ZXDA: variants seen among roughly 807,000 people sequenced by gnomAD.
ZXDA encodes the protein zinc finger X-linked protein ZXDA.
ZXDA carries 5 observed loss-of-function variants against 10.1 expected under a neutral mutation model. The observed-to-expected ratio is 0.50, with a 90% CI of 0.26 to 1.04. The LOEUF (loss-of-function observed/expected upper bound fraction) is 1.04. Among genes scored for constraint, ZXDA ranks in the 50% least tolerant of loss-of-function variants. ZXDA has a pLI of 0.14. For synonymous variants in ZXDA, 266 were observed against 313.1 expected, an observed-to-expected ratio of 0.85 and a Z score of 1.59; for missense variants, 501 against 672.4, an observed-to-expected ratio of 0.75 and a Z score of 2.82.
At position 57,905,727 on chromosome X, in the gene ZXDA, TAA is replaced by T. The variant is rs199637862; in HGVS notation, c.*2292_*2293del. 1.9e-5 allele frequency among the ~76,000 whole-genome samples: 2 copies of T among 104,672 alleles called. No individual in the cohort carries two copies. Among genetic ancestry groups the T allele is most frequent in the Middle Eastern group, 4.9e-3 (1 of 205 alleles). 90.9% of individuals were successfully genotyped at this position (104,672 alleles called of 115,157 possible). ...ACGGACAATCACAAGATCTTTATCC[TAA>T]AAAAAAAAAATTTGTCCTTTGAAAA... On this transcript the variant is annotated 3_prime_UTR_variant, in exon 1 of 1. Transcript: ENST00000358697.
At position 57,909,361 on chromosome X, in the gene ZXDA, G is replaced by A. The variant is rs1235013077; in HGVS notation, c.1060C>T (p.His354Tyr). The A allele has an allele frequency of 8.3e-7, 1 of 1,210,272 alleles. No individual in the cohort carries two copies. Among genetic ancestry groups the A allele is most frequent in the Non-Finnish European group, 1.1e-6 (1 of 895,305 alleles). Residue 354 changes from histidine to tyrosine, a missense_variant, in exon 1 of 1, where the codon CAT becomes TAT. By Grantham distance (83) the His-to-Tyr change is moderately conservative. Transcript: ENST00000358697. Reference sequence around the variant, plus strand: ...CATTTGAACGAGTTCTCCTGCTCATGGCCCTTCATGTGCGCCTTGAGGTTG... The same window carrying A: ...CATTTGAACGAGTTCTCCTGCTCATAGCCCTTCATGTGCGCCTTGAGGTTG... ...VYNLKAHMKG[H>Y]EQENSFKCEV...
Position 57,909,631 on chromosome X carries a change from C to A in ZXDA, c.790G>T (p.Val264Leu), listed in dbSNP as rs201132004. ...GCCTCGGGGCACAGGTACAGCACCA[C>A]GCCTGGACCAGAGCCCAGCAGTCCG... is the stretch of plus-strand genomic sequence containing the variant. ...PRGLLGSGPG[V>L]VLYLCPEALC... Residue 264 changes from valine (V) to leucine (L), a missense_variant, in exon 1 of 1, where the codon GTG becomes TTG. This residue lies in a region of ZXDA where 251 missense variants were observed against 221.6 expected (regional missense o/e 1.13). Coordinates refer to ENST00000358697, the MANE Select transcript of ZXDA (RefSeq NM_007156.5). The A allele has an allele frequency of 9.5e-4, 1,132 of 1,197,871 alleles. 2 individuals are homozygous for A. The highest frequency in any genetic ancestry group is 1.2e-3 in the Non-Finnish European group (1,097 of 889,365).
rs1259766547 is a variant in ZXDA at position 57,907,359 on chromosome X, TAAGA to T, written c.*658_*661del. The stretch of plus-strand genomic sequence containing the variant: ...CATTTTACAGATAGAAAACTGAGGC[TAAGA>T]GAGACTAAATAACTTATTAAAGGCC... On this transcript the variant is annotated 3_prime_UTR_variant, in exon 1 of 1. Coordinates refer to ENST00000358697, the MANE Select transcript of ZXDA (RefSeq NM_007156.5). 3 of 112,226 alleles carry T rather than the reference TAAGA, an allele frequency of 2.7e-5. No individual in the cohort carries two copies. The highest frequency in any genetic ancestry group is 9.7e-5 in the African/African-American group (3 of 30,819). 9.2% of individuals were successfully genotyped at this position (112,226 alleles called of 1,213,427 possible).
rs1236981734 is a variant in ZXDA at position 57,908,250 on chromosome X, C to T, written c.2171G>A (p.Ser724Asn). ...SPEPQALTPS[S>N]KLTVDTDTLT... ...AGTATCTGTGTCCACTGTTAGCTTA[C>T]TGCTGGGTGTCAAAGCCTGAGGCTC... The change falls in exon 1 of 1, where the codon AGT becomes AAT. Residue 724 changes from serine to asparagine, a missense_variant. Coordinates refer to ENST00000358697, the MANE Select transcript of ZXDA (RefSeq NM_007156.5). 8.3e-7 allele frequency: 1 copy of T among 1,211,070 alleles called. No homozygotes were observed. The highest frequency in any genetic ancestry group is 1.8e-5 in the South Asian group (1 of 56,859).
Position 57,906,316 on chromosome X carries a change from C to T in ZXDA, c.*1705G>A, listed in dbSNP as rs182330344. 1.8e-5 allele frequency among the ~76,000 whole-genome samples: 2 copies of T among 112,241 alleles called. No homozygotes were observed. The highest frequency in any genetic ancestry group is 1.9e-4 in the Admixed American group (2 of 10,610). On this transcript the variant is annotated 3_prime_UTR_variant, in exon 1 of 1. Transcript: ENST00000358697. ...CTCACTAACACCTTATATAAAATGT[C>T]TCCATTATTATCTGATTCATGTATA...
At position 57,909,349 on chromosome X, in the gene ZXDA, TCTC is replaced by T. The variant is rs1409767359; in HGVS notation, c.1069_1071del (p.Glu357del). On this transcript the variant is annotated inframe_deletion, in exon 1 of 1. Coordinates refer to ENST00000358697, the MANE Select transcript of ZXDA (RefSeq NM_007156.5). The stretch of plus-strand genomic sequence containing the variant: ...TCGCACACCTCACATTTGAACGAGT[TCTC>T]CTGCTCATGGCCCTTCATGTGCGCC... 8.3e-7 allele frequency: 1 copy of T among 1,210,234 alleles called. No individual in the cohort carries two copies. Among genetic ancestry groups the T allele is most frequent in the Non-Finnish European group, 1.1e-6 (1 of 895,276 alleles).
chrX:57,907,286 T>C lies in ZXDA; in HGVS notation c.*735A>G, dbSNP rs1364574233. 1 of 112,092 alleles carries C rather than the reference T, an allele frequency of 8.9e-6. No individual in the cohort carries two copies. The highest frequency in any genetic ancestry group is 1.9e-5 in the Non-Finnish European group (1 of 53,142). The allele number at this position is 112,092 out of a possible 1,213,427, so 9.2% of individuals were successfully genotyped here. A position where few individuals can be genotyped will look rare whatever the true frequency, so the allele number is the denominator to read the frequency against. On this transcript the variant is annotated 3_prime_UTR_variant, in exon 1 of 1. Coordinates refer to ENST00000358697, the MANE Select transcript of ZXDA (RefSeq NM_007156.5). ...TTCCTTTCAATACAACCTACTGGGG[T>C]AGAAAAATAAGTCTAGGATGTAACA...
rs1346465214 is a variant in ZXDA, at chrX:57,908,100, A to C, written c.2321T>G (p.Phe774Cys). 8.2e-7 allele frequency: 1 copy of C among 1,212,131 alleles called. No homozygotes were observed. The highest frequency in any genetic ancestry group is 1.7e-5 in the African/African-American group (1 of 57,873). Residue 774 changes from phenylalanine to cysteine, a missense_variant, in exon 1 of 1, where the codon TTC becomes TGC. Physicochemically the swap from Phe to Cys is radical, Grantham distance 205. Around this residue, in one of 5 missense-constraint regions of ZXDA, gnomAD observed 46 missense variants for 54.1 expected, o/e 0.85. Transcript: ENST00000358697. ...ACCATGGTTTCCTGCTGCATTGGGGAATCCAAACTGGGTTTCTCCCTCCTG... is the reference window on the plus strand; with the variant it reads ...ACCATGGTTTCCTGCTGCATTGGGGCATCCAAACTGGGTTTCTCCCTCCTG... ...FGQEGETQFGFPNAAGNHGSQ... is the reference protein window; with the variant it reads ...FGQEGETQFGCPNAAGNHGSQ...
In ZXDA at chrX:57,909,560, G is replaced by A. The variant is rs1388955858; in HGVS notation, c.861C>T (p.His287=). ...TFAKKHQLKM[H]LLTHSSSQGQ... is the part of the protein sequence containing the mutation. ...CCTGGCTGCTGCTGTGCGTCAGCAGGTGCATCTTCAGCTGGTGCTTCTTGG... is the reference window on the plus strand; with the variant it reads ...CCTGGCTGCTGCTGTGCGTCAGCAGATGCATCTTCAGCTGGTGCTTCTTGG... Residue 287 remains histidine, a synonymous_variant, in exon 1 of 1, where the codon CAC becomes CAT. Transcript: ENST00000358697. 2.6e-5 allele frequency: 31 copies of A among 1,206,311 alleles called. No individual in the cohort carries two copies. Among genetic ancestry groups the A allele is most frequent in the Non-Finnish European group, 3.5e-5 (31 of 893,288 alleles).
At position 57,909,649 on chromosome X, in the gene ZXDA, G is replaced by C. The variant is rs1569185680; in HGVS notation, c.772C>G (p.Leu258Val). The part of the protein sequence containing the change: ...LAAALGPRGL[L>V]GSGPGVVLYL... The stretch of plus-strand genomic sequence containing the variant: ...AGCACCACGCCTGGACCAGAGCCCA[G>C]CAGTCCGCGGGGGCCCAGGGCGGCG... The change falls in exon 1 of 1, where the codon CTG (leucine) becomes GTG (valine). Residue 258 changes from leucine to valine, a missense_variant. Leu to Val is a conservative substitution (Grantham distance 32). Around this residue, in one of 5 missense-constraint regions of ZXDA, gnomAD observed 251 missense variants for 221.6 expected, o/e 1.13. Coordinates refer to ENST00000358697, the MANE Select transcript of ZXDA (RefSeq NM_007156.5). 2.5e-6 allele frequency: 3 copies of C among 1,190,827 alleles called. No homozygotes were observed. The highest frequency in any genetic ancestry group is 2.3e-5 in the Admixed American group (1 of 43,229).
At position 57,910,303 on chromosome X, in the gene ZXDA, G is replaced by T; in HGVS notation, c.118C>A (p.Pro40Thr). Residue 40 changes from proline to threonine, a missense_variant, in exon 1 of 1, where the codon CCC becomes ACC. Coordinates refer to ENST00000358697, the MANE Select transcript of ZXDA (RefSeq NM_007156.5). The stretch of plus-strand genomic sequence containing the variant: ...CGGGGCAGCAGGAGGCGGCGCGTGG[G>T]GACCTGGCCAGCCGGCGAGTCAGGG... Reference protein sequence around the residue: ...RGPDSPAGQVPTRRLLLPRGP... With the variant: ...RGPDSPAGQVTTRRLLLPRGP... The T allele has an allele frequency of 1.9e-6, 2 of 1,047,682 alleles. No homozygotes were observed. The highest frequency in any genetic ancestry group is 2.4e-6 in the Non-Finnish European group (2 of 822,121). The allele number at this position is 1,047,682 out of a possible 1,213,427, so 86.3% of individuals were successfully genotyped here. A position where few individuals can be genotyped will look rare whatever the true frequency, so the allele number is the denominator to read the frequency against.
chrX:57,908,823 T>C lies in ZXDA; in HGVS notation c.1598A>G (p.Lys533Arg). 2.5e-6 allele frequency: 3 copies of C among 1,208,521 alleles called. No individual in the cohort carries two copies. The highest frequency in any genetic ancestry group is 3.4e-6 in the Non-Finnish European group (3 of 894,264). Residue 533 changes from lysine to arginine, a missense_variant, in exon 1 of 1, where the codon AAA becomes AGA. Transcript: ENST00000358697. ...ARSSLYIHSK[K>R]HLQDVDTWKS... ...CCAAGTGTCCACATCCTGCAGGTGT[T>C]TCTTGGAGTGAATGTAGAGGCTACT...
chrX:57,910,011 G>A lies in ZXDA; in HGVS notation c.410C>T (p.Ala137Val), dbSNP rs772958008. 6 of 1,064,653 alleles carry A rather than the reference G, an allele frequency of 5.6e-6. 1 individual carries two copies. Among genetic ancestry groups the A allele is most frequent in the Non-Finnish European group, 7.4e-6 (6 of 810,874 alleles). 87.7% of individuals were successfully genotyped at this position (1,064,653 alleles called of 1,213,427 possible). A position where few individuals can be genotyped will look rare whatever the true frequency, so the allele number is the denominator to read the frequency against. ...ESGANPAGCSAQGPHCLSAVP... is the reference protein window; with the variant it reads ...ESGANPAGCSVQGPHCLSAVP... ...CGCGGACAGGCAGTGGGGGCCCTGC[G>A]CAGAGCAGCCCGCGGGGTTCGCGCC... is the stretch of plus-strand genomic sequence containing the variant. The change falls in exon 1 of 1, where the codon GCG (alanine) becomes GTG (valine). Residue 137 changes from alanine to valine, a missense_variant. Transcript: ENST00000358697.
In ZXDA at chrX:57,905,594, G is replaced by T. The variant is rs1275196975; in HGVS notation, c.*2427C>A. Among the ~76,000 whole-genome samples, 4 of 112,048 alleles carry T rather than the reference G, an allele frequency of 3.6e-5. No homozygotes were observed. The highest frequency in any genetic ancestry group is 7.5e-5 in the Non-Finnish European group (4 of 53,215). On this transcript the variant is annotated 3_prime_UTR_variant, in exon 1 of 1. Transcript: ENST00000358697. ...TAACAGAAACACTAATATGTTTACA[G>T]TCACACTTCTGTCTGTAATTACATG... is the stretch of plus-strand genomic sequence containing the variant.
In ZXDA at chrX:57,909,637, G is replaced by C. The variant is rs201928938; in HGVS notation, c.784C>G (p.Pro262Ala). The C allele has an allele frequency of 8.4e-7, 1 of 1,196,250 alleles. No individual in the cohort carries two copies. The highest frequency in any genetic ancestry group is 1.8e-5 in the South Asian group (1 of 54,997). The change falls in exon 1 of 1, where the codon CCA (proline) becomes GCA (alanine). Residue 262 changes from proline (P) to alanine (A), a missense_variant. Transcript: ENST00000358697. The stretch of plus-strand genomic sequence containing the variant: ...GGGCACAGGTACAGCACCACGCCTG[G>C]ACCAGAGCCCAGCAGTCCGCGGGGG... ...LGPRGLLGSG[P>A]GVVLYLCPEA...
chrX:57,907,899 C>T lies in ZXDA; in HGVS notation c.*122G>A. The T allele has an allele frequency of 2.2e-6, 2 of 891,091 alleles. No individual in the cohort carries two copies. Among genetic ancestry groups the T allele is most frequent in the South Asian group, 2.6e-5 (1 of 38,433 alleles). 73.4% of individuals were successfully genotyped at this position (891,091 alleles called of 1,213,427 possible). On this transcript the variant is annotated 3_prime_UTR_variant, in exon 1 of 1. Transcript: ENST00000358697. The stretch of plus-strand genomic sequence containing the variant: ...AATTTAGATCTCCAAACTCATAGTC[C>T]AGGGCTGTGCTCTTTTTGCAAACCA...
In ZXDA at chrX:57,905,724, T is replaced by A. The variant is rs1322774467; in HGVS notation, c.*2297A>T. ...CCCACGGACAATCACAAGATCTTTATCCTAAAAAAAAAAAATTTGTCCTTT... is the reference window on the plus strand; with the variant it reads ...CCCACGGACAATCACAAGATCTTTAACCTAAAAAAAAAAAATTTGTCCTTT... On this transcript the variant is annotated 3_prime_UTR_variant, in exon 1 of 1. Transcript: ENST00000358697. Among the ~76,000 whole-genome samples the A allele has an allele frequency of 2.9e-5, 3 of 104,632 alleles. No homozygotes were observed. The highest frequency in any genetic ancestry group is 1.2e-4 in the African/African-American group (3 of 24,862). The allele number at this position is 104,632 out of a possible 115,157, so 90.9% of individuals were successfully genotyped here. A position where few individuals can be genotyped will look rare whatever the true frequency, so the allele number is the denominator to read the frequency against.
chrX:57,909,259 G>T lies in ZXDA; in HGVS notation c.1162C>A (p.Pro388Thr). 8.3e-7 allele frequency: 1 copy of T among 1,212,039 alleles called. No individual in the cohort carries two copies. The highest frequency in any genetic ancestry group is 1.1e-6 in the Non-Finnish European group (1 of 895,589). ...CAGCCAGAAAACGCGCACTGGTAAG[G>T]CCTCTCGGGTTCGAAGTGGCTGCGC... ...HQRSHFEPER[P>T]YQCAFSGCKK... The change falls in exon 1 of 1, where the codon CCT becomes ACT. Residue 388 changes from proline to threonine, a missense_variant. Physicochemically the swap from Pro to Thr is conservative, Grantham distance 38. Transcript: ENST00000358697.
Position 57,906,206 on chromosome X carries a change from A to G in ZXDA, c.*1815T>C, listed in dbSNP as rs112404588. 1.8e-5 allele frequency among the ~76,000 whole-genome samples: 2 copies of G among 112,308 alleles called. No individual in the cohort carries two copies. The highest frequency in any genetic ancestry group is 3.2e-5 in the African/African-American group (1 of 30,875). On this transcript the variant is annotated 3_prime_UTR_variant, in exon 1 of 1. Transcript: ENST00000358697. ...GTTATCCCCAAGTATCCACATGTAAACAATACTGGGTTACAATAGTTGAAA... is the reference window on the plus strand; with the variant it reads ...GTTATCCCCAAGTATCCACATGTAAGCAATACTGGGTTACAATAGTTGAAA...
Sources: gnomAD v4.1 joint callset for allele counts (sites outside exome capture counted in the v4.1 genomes callset) on GRCh38, gnomAD v4.1.1 for gene constraint, gnomAD v4.1.1 regional missense constraint, MANE v1.5 for transcripts, NCBI Gene and HGNC (gene_info 2026-07-23, HGNC 2026-07-21) for gene names.